The following PRKG1 variants were observed in gnomAD, a reference collection of about 807,000 sequenced individuals.
PRKG1 encodes protein kinase cGMP-dependent 1, also known as cGMP-dependent protein kinase 1.
In PRKG1, 35 loss-of-function variants were observed where a neutral mutation model predicts 88.1. That is an observed-to-expected ratio of 0.40 (90% CI 0.30 to 0.53). PRKG1 has a LOEUF of 0.53. PRKG1 is among the 20% of genes least tolerant of loss of function. PRKG1 has a pLI of 0.59. For missense variants in PRKG1, 540 were observed against 839.8 expected, an observed-to-expected ratio of 0.64 and a Z score of 4.41; for synonymous variants, 303 against 292.5, an observed-to-expected ratio of 1.04 and a Z score of -0.37.
At chr10:51,643,903 C>G (rs773634257) in intron 3 of PRKG1, among the ~76,000 whole-genome samples, 1 of 152,144 alleles carries the variant, frequency 6.6e-6, no homozygotes, top group Non-Finnish European at 1.5e-5. Flanking sequence ...ACACCATTAA[C>G]CAGTCATGAC....
chr10:52,050,534 G>C (rs951143963), intron 5 of PRKG1, among the ~76,000 whole-genome samples: 2 of 152,128 alleles, frequency 1.3e-5, no homozygotes, highest in Non-Finnish European at 2.9e-5. Flanking sequence ...CTTCCCCTCA[G>C]GTGCAATTAA....
At chr10:51,227,564 T>C (rs1838726229) in intron 2 of PRKG1, among the ~76,000 whole-genome samples, 1 of 152,182 alleles carries the variant, frequency 6.6e-6, no homozygotes, top group South Asian at 2.1e-4. Flanking sequence ...TAATATGACC[T>C]TCTGAGGGAC....
intron 3 of PRKG1, among the ~76,000 whole-genome samples, chr10:51,549,059 C>G (rs565053436): frequency 1.3e-5 from 2 of 151,028 alleles, no homozygotes; most frequent in African/African-American, 4.8e-5. Flanking sequence ...TTCTTTTTGT[C>G]CTTCAGACCT....
intron 2 of PRKG1, among the ~76,000 whole-genome samples, chr10:51,441,252 G>GT (rs1298818772): frequency 1.3e-5 from 2 of 151,948 alleles, no homozygotes; most frequent in African/African-American, 4.8e-5. Context: ...TTTATGTTTA[G>GT]TCAGTTTTGC....
intron 5 of PRKG1, among the ~76,000 whole-genome samples, chr10:51,996,650 TG>T (rs142974347): frequency 0.014 from 2,094 of 152,210 alleles, 46 homozygotes; most frequent in African/African-American, 0.048. Context: ...TTGGCAAAGA[TG>T]CATAGAAAAG....
At chr10:51,678,376 A>G (rs144488159) in intron 3 of PRKG1, among the ~76,000 whole-genome samples, 3 of 152,282 alleles carry the variant, frequency 2.0e-5, no homozygotes, top group Admixed American at 1.3e-4. Flanking sequence ...ATGTTCAAGC[A>G]TAGTTGGGAT....
chr10:51,670,079 A>G (rs1840519796), intron 3 of PRKG1, among the ~76,000 whole-genome samples: 1 of 152,078 alleles, frequency 6.6e-6, no homozygotes, highest in African/African-American at 2.4e-5. Flanking sequence ...TAAACTTGCT[A>G]TATCTTATTT....
intron 3 of PRKG1, among the ~76,000 whole-genome samples, chr10:51,755,253 C>A (rs1202888198): frequency 6.6e-6 from 1 of 152,170 alleles, no homozygotes; most frequent in Non-Finnish European, 1.5e-5. Context: ...CCCTATCTGA[C>A]ATGCTGTCAG....
chr10:51,545,203 G>A (rs192404831), intron 3 of PRKG1, among the ~76,000 whole-genome samples: 45 of 152,120 alleles, frequency 3.0e-4, no homozygotes, highest in African/African-American at 1.0e-3. Flanking sequence ...AAAAATAAAT[G>A]TCATCCTCCC....
intron 2 of PRKG1, among the ~76,000 whole-genome samples, chr10:51,221,661 T>C (rs922489125): frequency 8.6e-5 from 13 of 151,624 alleles, no homozygotes; most frequent in African/African-American, 2.9e-4. Context: ...CCTAACCATG[T>C]TCTGCATTAT....
chr10:51,254,048 G>A (rs868451342), intron 2 of PRKG1, among the ~76,000 whole-genome samples: 2 of 151,930 alleles, frequency 1.3e-5, no homozygotes, highest in African/African-American at 4.8e-5. Flanking sequence ...CTGAGTGGCA[G>A]TTGCAAATAA....
chr10:52,290,502 CTTTTT>C (rs749566074), intron 17 of PRKG1, among the ~76,000 whole-genome samples: 1 of 152,114 alleles, frequency 6.6e-6, no homozygotes, highest in Non-Finnish European at 1.5e-5. Context: ...TTACTCTTCT[CTTTTT>C]TAACTATTCA....
chr10:51,402,831 G>A (rs184412095), intron 2 of PRKG1, among the ~76,000 whole-genome samples: 53 of 152,272 alleles, frequency 3.5e-4, no homozygotes, highest in Non-Finnish European at 5.4e-4. Flanking sequence ...AAATTGCAAG[G>A]ACAACTCCAT....
intron 3 of PRKG1, among the ~76,000 whole-genome samples, chr10:51,607,221 C>T (rs1026511980): frequency 2.0e-5 from 3 of 152,208 alleles, no homozygotes; most frequent in African/African-American, 4.8e-5. Flanking sequence ...ACTTAAACAA[C>T]TTTTCTTTAT....
intron 2 of PRKG1, among the ~76,000 whole-genome samples, chr10:51,361,138 T>A (rs981240347): frequency 6.6e-6 from 1 of 151,824 alleles, no homozygotes; most frequent in Admixed American, 6.6e-5. Flanking sequence ...GTATAGACAA[T>A]TTTTTGGTAT....
rs535776294 is a variant in PRKG1, at chr10:51,653,685, G to A, written c.593-150900G>A. On this transcript the variant is annotated intron_variant, in intron 3 of 17. Transcript: ENST00000373980. ...GAGTTCAAGCAATTCTCTTGCCTCA[G>A]CCTCCCAAGTAGCTGGGACTACAGG... 5.3e-5 allele frequency among the ~76,000 whole-genome samples: 8 copies of A among 152,024 alleles called. No homozygotes were observed. The East Asian group carries it at 1.6e-3, about 30-fold the overall frequency.
At chr10:51,381,461 C>T (rs1837102156) in intron 2 of PRKG1, among the ~76,000 whole-genome samples, 1 of 151,900 alleles carries the variant, frequency 6.6e-6, no homozygotes, top group Non-Finnish European at 1.5e-5. Context: ...GAGTGATTCA[C>T]AACTGGGCAT....
intron 1 of PRKG1, among the ~76,000 whole-genome samples, chr10:51,040,232 T>TTGTGTGTG (rs373057468): frequency 0.017 from 2,012 of 117,808 alleles, 27 homozygotes; most frequent in East Asian, 0.051. Context: ...TCCATTCCAT[T>TTGTGTGTG]TGTGTGTGTG....
chr10:51,623,846 C>T lies in PRKG1; in HGVS notation c.592+156010C>T, dbSNP rs1344295248. ...GCCCTGAAGCTGGTGATCACTCTGA[C>T]GTTGGGTTCTAATGTTTTGTTTTGC... On this transcript the variant is annotated intron_variant, in intron 3 of 17. Transcript: ENST00000373980. 2.0e-5 allele frequency among the ~76,000 whole-genome samples: 3 copies of T among 152,092 alleles called. No homozygotes were observed. In the East Asian group the frequency reaches 5.8e-4, roughly 29 times the overall value.
Sources: gnomAD v4.1 joint callset for allele counts (sites outside exome capture counted in the v4.1 genomes callset) on GRCh38, gnomAD v4.1.1 for gene constraint, MANE v1.5 for transcripts, NCBI Gene and HGNC (gene_info 2026-07-23, HGNC 2026-07-21) for gene names.